The following SH3GL3 variants were observed in gnomAD, a reference collection of about 807,000 sequenced individuals.
SH3GL3 encodes endophilin-A3.
SH3GL3 carries 33 observed loss-of-function variants against 47.7 expected under a neutral mutation model. That is an observed-to-expected ratio of 0.69 (90% confidence interval 0.52 to 0.92). SH3GL3 has a LOEUF of 0.92. Among genes scored for constraint, SH3GL3 ranks in the 40% least tolerant of loss-of-function variants. The probability of loss-of-function intolerance (pLI) is 0.00; values close to 1 mark genes in which losing one functional copy is unlikely to be tolerated. For synonymous variants in SH3GL3, 155 were observed against 148.8 expected, an observed-to-expected ratio of 1.04 and a Z score of -0.30; for missense variants, 363 against 417.8, an observed-to-expected ratio of 0.87 and a Z score of 1.14.
chr15:83,591,593 T>G (rs974229509), intron 8 of SH3GL3, among the ~76,000 whole-genome samples: 7 of 152,290 alleles, frequency 4.6e-5, no homozygotes, highest in African/African-American at 1.7e-4. Context: ...TCTACCTCTG[T>G]GTGAAAACAT....
intron 1 of SH3GL3, among the ~76,000 whole-genome samples, chr15:83,507,916 G>A (rs1468988139): frequency 6.6e-6 from 1 of 151,948 alleles, no homozygotes; most frequent in Non-Finnish European, 1.5e-5. Flanking sequence ...TGGGATCCAG[G>A]CAGAATTTTA....
At chr15:83,553,587 A>C (rs1219991705) in intron 1 of SH3GL3, among the ~76,000 whole-genome samples, 1 of 152,158 alleles carries the variant, frequency 6.6e-6, no homozygotes, top group Non-Finnish European at 1.5e-5. Context: ...TATAACATGC[A>C]TAGTTCTATA....
intron 8 of SH3GL3, among the ~76,000 whole-genome samples, chr15:83,612,973 T>C (rs539488230): frequency 5.3e-5 from 8 of 152,340 alleles, no homozygotes; most frequent in African/African-American, 1.4e-4. Context: ...ATTTAAAAGC[T>C]AAACATTGAC....
intron 8 of SH3GL3, among the ~76,000 whole-genome samples, chr15:83,617,222 T>C (rs1394641996): frequency 6.6e-6 from 1 of 152,226 alleles, no homozygotes; most frequent in African/African-American, 2.4e-5. Context: ...CTGTAAATTC[T>C]GGTCTGTAAA....
downstream of SH3GL3, among the ~76,000 whole-genome samples, chr15:83,620,567 T>A (rs1025052022): frequency 6.6e-6 from 1 of 152,232 alleles, no homozygotes; most frequent in African/African-American, 2.4e-5. Flanking sequence ...AAGGAATCTT[T>A]TTCTCTGAAC....
intron 8 of SH3GL3, among the ~76,000 whole-genome samples, chr15:83,591,653 T>C (rs927964450): frequency 7.9e-5 from 12 of 152,050 alleles, no homozygotes; most frequent in African/African-American, 2.7e-4. Flanking sequence ...ATTATCAGAG[T>C]ATATGTGTAT....
chr15:83,593,062 AT>A (rs1170552402), intron 8 of SH3GL3, among the ~76,000 whole-genome samples: 2 of 152,174 alleles, frequency 1.3e-5, no homozygotes. Flanking sequence ...CTATCATTGC[AT>A]TTCTATTCTT....
rs187618282 is a variant in SH3GL3, at chr15:83,568,396, A to G, written c.188-133A>G. The G allele has an allele frequency of 3.2e-5, 20 of 631,222 alleles. No homozygotes were observed. The East Asian group carries it at 5.3e-4, about 17-fold the overall frequency. The allele number at this position is 631,222 out of a possible 1,614,324, so 39.1% of individuals were successfully genotyped here. ...GAGAAAATTAAATAGTTCACACACA[A>G]TTGTTTCAGGCCTCAGGTCTCTGGC... On this transcript the variant is annotated intron_variant, in intron 3 of 8. Coordinates refer to ENST00000427482, the MANE Select transcript of SH3GL3 (RefSeq NM_003027.5).
rs891927725 is a variant in SH3GL3 at position 83,447,981 on chromosome 15, T to A, written c.45+403T>A. 8.5e-5 allele frequency among the ~76,000 whole-genome samples: 13 copies of A among 152,058 alleles called. No individual in the cohort carries two copies. The East Asian group carries it at 2.1e-3, about 25-fold the overall frequency. ...CTCCAGCCGTTTGGTTGGGAGAGCC[T>A]CGTGGGGGGCCCATCCTCCACCGGC... On this transcript the variant is annotated intron_variant, in intron 1 of 8. Coordinates refer to ENST00000427482, the MANE Select transcript of SH3GL3 (RefSeq NM_003027.5). The surrounding 1 kb of genome is among the most constrained non-coding windows in gnomAD (Gnocchi z 5.1).
intron 8 of SH3GL3, among the ~76,000 whole-genome samples, chr15:83,599,561 C>G (rs2060326953): frequency 1.3e-5 from 2 of 152,290 alleles, no homozygotes; most frequent in East Asian, 3.9e-4. Context: ...TATTCTACCA[C>G]ATATATATAC....
chr15:83,617,585 A>C (rs77846867), intron 8 of SH3GL3, among the ~76,000 whole-genome samples: 14,171 of 152,272 alleles, frequency 0.093, 892 homozygotes, highest in East Asian at 0.22. Flanking sequence ...CTGAGGCACG[A>C]AAATTTCTTG....
chr15:83,533,836 C>T (rs1001460569), intron 1 of SH3GL3, among the ~76,000 whole-genome samples: 7 of 152,240 alleles, frequency 4.6e-5, no homozygotes, highest in South Asian at 2.1e-4. Context: ...CTGACTTATT[C>T]GCAGGTGTCC....
chr15:83,596,643 G>C (rs1159869551), intron 8 of SH3GL3, among the ~76,000 whole-genome samples: 1 of 152,000 alleles, frequency 6.6e-6, no homozygotes, highest in Non-Finnish European at 1.5e-5. Context: ...TTGTTTGTTT[G>C]TTTGTTTTAA....
intron 4 of SH3GL3, among the ~76,000 whole-genome samples, chr15:83,571,440 T>C (rs1286725252): frequency 6.6e-6 from 1 of 152,124 alleles, no homozygotes; most frequent in Non-Finnish European, 1.5e-5. Context: ...TTAGACACAC[T>C]TTGGAGAGTT....
intron 2 of SH3GL3, among the ~76,000 whole-genome samples, chr15:83,562,030 AACACACACACAC>A (rs55856428): frequency 0.023 from 3,008 of 133,042 alleles, 153 homozygotes; most frequent in East Asian, 0.18. Context: ...ACACACACAC[AACACACACACAC>A]ACACACACAC....
intron 8 of SH3GL3, among the ~76,000 whole-genome samples, chr15:83,605,118 A>T (rs144485246): frequency 1.4e-4 from 21 of 152,334 alleles, no homozygotes; most frequent in African/African-American, 4.8e-4. Flanking sequence ...CAGAGATCAC[A>T]GACGTGCAGA....
intron 8 of SH3GL3, among the ~76,000 whole-genome samples, chr15:83,616,971 G>A (rs79264482): frequency 0.14 from 21,453 of 152,120 alleles, 2,017 homozygotes; most frequent in East Asian, 0.28. Context: ...ATTCACCCTA[G>A]CTTGTACAAG....
At chr15:83,464,340 C>T (rs1041539202) in intron 1 of SH3GL3, among the ~76,000 whole-genome samples, 15 of 152,110 alleles carry the variant, frequency 9.9e-5, no homozygotes, top group Admixed American at 2.6e-4. Context: ...CCTGGAATAC[C>T]CCAGGCCCTG....
the SH3GL3 span, among the ~76,000 whole-genome samples, chr15:83,633,275 G>A: frequency 6.6e-6 from 1 of 152,210 alleles, no homozygotes; most frequent in Admixed American, 6.5e-5. Flanking sequence ...CTAAGCGATT[G>A]TAACCCAGTA....
Sources: allele counts gnomAD v4.1 joint callset (sites outside exome capture counted in the v4.1 genomes callset), GRCh38; gene constraint gnomAD v4.1.1; non-coding constraint Gnocchi (gnomAD v3.1); transcripts MANE v1.5; gene names NCBI Gene and HGNC (gene_info 2026-07-23, HGNC 2026-07-21).